NEDD9: variants seen among roughly 807,000 people sequenced by gnomAD.
The protein encoded by NEDD9 is neural precursor cell expressed, developmentally down-regulated 9, also known as enhancer of filamentation 1.
In NEDD9, 26 loss-of-function variants were observed where a neutral mutation model predicts 76.6. That is an observed-to-expected ratio of 0.34 (90% CI 0.25 to 0.47). NEDD9 has a LOEUF of 0.47. Ranked by LOEUF, NEDD9 falls within the 20% of genes least tolerant of loss-of-function variation. NEDD9 has a pLI of 1.00. For synonymous variants in NEDD9, 392 were observed against 414.2 expected (o/e 0.95, Z 0.65); for missense variants, 937 against 1,058.5 (o/e 0.89, Z 1.59).
intron 2 of NEDD9, among the ~76,000 whole-genome samples, chr6:11,205,021 G>A (rs1017330602): frequency 3.3e-5 from 5 of 152,268 alleles, no homozygotes; most frequent in East Asian, 1.9e-4. Flanking sequence ...ATGATTTAGC[G>A]CCCAAATTGC....
chr6:11,308,588 C>T (rs990352010), intron 2 of NEDD9, among the ~76,000 whole-genome samples: 1 of 151,992 alleles, frequency 6.6e-6, no homozygotes, highest in Non-Finnish European at 1.5e-5. Flanking sequence ...CCAGGATGGT[C>T]TTAATCTCCT....
chr6:11,302,436 T>G (rs2113406770), intron 3 of NEDD9, among the ~76,000 whole-genome samples: 1 of 152,202 alleles, frequency 6.6e-6, no homozygotes. Flanking sequence ...CTACCAGAGG[T>G]ACAAAGAGGA....
intron 1 of NEDD9, among the ~76,000 whole-genome samples, chr6:11,226,382 T>C (rs1403489843): frequency 1.3e-5 from 2 of 152,328 alleles, no homozygotes; most frequent in Admixed American, 6.5e-5. Flanking sequence ...CCAATGGCCC[T>C]GTTTCATTTG....
chr6:11,260,718 T>C (rs965362729), intron 3 of NEDD9, among the ~76,000 whole-genome samples: 1 of 152,056 alleles, frequency 6.6e-6, no homozygotes, highest in Non-Finnish European at 1.5e-5. Context: ...ACATCTGGGG[T>C]AAGGATGGTA....
At chr6:11,314,775 A>G (rs1761495730) in intron 2 of NEDD9, among the ~76,000 whole-genome samples, 1 of 152,214 alleles carries the variant, frequency 6.6e-6, no homozygotes, top group Non-Finnish European at 1.5e-5. Flanking sequence ...GCAAGTCAGG[A>G]GACCTGGGCT....
intron 1 of NEDD9, among the ~76,000 whole-genome samples, chr6:11,360,834 C>T (rs1474473500): frequency 2.0e-5 from 3 of 152,172 alleles, no homozygotes; most frequent in African/African-American, 7.2e-5. Context: ...CCACTCCTTG[C>T]CTACATGCAG....
chr6:11,232,399 C>T, intron 1 of NEDD9, 105 bp downstream of exon 1: 1 of 1,424,762 alleles, frequency 7.0e-7, no homozygotes, highest in South Asian at 1.2e-5. Context: ...TTAGAACTCT[C>T]CGGGACACAC....
chr6:11,242,589 C>CA (rs58475929), intron 3 of NEDD9, among the ~76,000 whole-genome samples: 11,765 of 143,280 alleles, frequency 0.082, 841 homozygotes, highest in African/African-American at 0.19. Context: ...GGTCACCAGG[C>CA]AAAAAAAAAA....
intron 1 of NEDD9, among the ~76,000 whole-genome samples, chr6:11,355,778 T>G (rs1457835218): frequency 6.6e-6 from 1 of 152,132 alleles, no homozygotes; most frequent in Admixed American, 6.5e-5. Context: ...TGGAGGGCAG[T>G]GGCGCGATCT....
chr6:11,314,184 A>C (rs572765028), intron 2 of NEDD9, among the ~76,000 whole-genome samples: 2 of 152,174 alleles, frequency 1.3e-5, no homozygotes, highest in Non-Finnish European at 2.9e-5. Context: ...TGGTGCAAGC[A>C]AGCACTCTAC....
chr6:11,293,813 G>T (rs1356677566), intron 3 of NEDD9, among the ~76,000 whole-genome samples: 1 of 152,062 alleles, frequency 6.6e-6, no homozygotes, highest in Non-Finnish European at 1.5e-5. Flanking sequence ...CCAACCCCTG[G>T]TAAGCACAGT....
intron 3 of NEDD9, among the ~76,000 whole-genome samples, chr6:11,245,246 T>G (rs1205283640): frequency 6.6e-6 from 1 of 152,194 alleles, no homozygotes; most frequent in African/African-American, 2.4e-5. Context: ...ATTAGGAACA[T>G]TCCAGGGTGA....
chr6:11,277,539 CAG>C (rs1421854987), intron 3 of NEDD9, among the ~76,000 whole-genome samples: 2 of 152,282 alleles, frequency 1.3e-5, no homozygotes, highest in Non-Finnish European at 1.5e-5. Flanking sequence ...GGAAAAGAGA[CAG>C]AGGCCAGCTG....
At chr6:11,308,408 C>T (rs532486497) in intron 2 of NEDD9, among the ~76,000 whole-genome samples, 2 of 123,492 alleles carry the variant, frequency 1.6e-5, no homozygotes, top group African/African-American at 3.1e-5. Context: ...CTGGCTCTGT[C>T]ACCCAGGCTG....
chr6:11,236,993 C>G (rs951288445), upstream of NEDD9, among the ~76,000 whole-genome samples: 2 of 152,136 alleles, frequency 1.3e-5, no homozygotes, highest in Admixed American at 6.5e-5. This position sits in a 1 kb window ranked among gnomAD's most constrained non-coding sequence, Gnocchi z 5.5. Context: ...GGACTTGCAC[C>G]TTCCTGACTT....
chr6:11,267,142 T>C (rs1018224107), intron 3 of NEDD9, among the ~76,000 whole-genome samples: 24 of 152,214 alleles, frequency 1.6e-4, no homozygotes, highest in Admixed American at 5.2e-4. Context: ...GGCTGCTGCC[T>C]TCAATCGCTT....
chr6:11,294,223 T>G (rs1057000041), intron 3 of NEDD9, among the ~76,000 whole-genome samples: 3 of 152,182 alleles, frequency 2.0e-5, no homozygotes, highest in Admixed American at 6.5e-5. Context: ...ATATGATAAT[T>G]GTATTTTTAA....
At chr6:11,312,462 C>G (rs1761400114) in intron 2 of NEDD9, among the ~76,000 whole-genome samples, 1 of 152,122 alleles carries the variant, frequency 6.6e-6, no homozygotes, top group African/African-American at 2.4e-5. Context: ...CATGTTCAGG[C>G]CACTTCCATT....
chr6:11,185,982 C>A (rs1334261971), intron 6 of NEDD9, among the ~76,000 whole-genome samples: 1 of 152,140 alleles, frequency 6.6e-6, no homozygotes, highest in Admixed American at 6.5e-5. Context: ...AATGAGTTAA[C>A]GTTTACAAAA....
Sources: allele counts gnomAD v4.1 joint callset (sites outside exome capture counted in the v4.1 genomes callset), GRCh38; gene constraint gnomAD v4.1.1; non-coding constraint Gnocchi (gnomAD v3.1); transcripts MANE v1.5; gene names NCBI Gene and HGNC (gene_info 2026-07-23, HGNC 2026-07-21).